RPL5: variants seen among roughly 807,000 people sequenced by gnomAD.
The protein encoded by RPL5 is large ribosomal subunit protein uL18.
A neutral mutation model predicts 38.4 loss-of-function variants in RPL5; 1 was observed. The ratio of observed to expected loss-of-function variants is 0.03; its 90% CI spans 0.01 to 0.12. The LOEUF (loss-of-function observed/expected upper bound fraction) is 0.12, where lower values mean the gene tolerates loss of function less well. Ranked by LOEUF, RPL5 falls within the 10% of genes least tolerant of loss-of-function variation. The pLI, the probability that RPL5 is intolerant of heterozygous loss-of-function variation, is 1.00. For synonymous variants in RPL5, 109 were observed against 121.2 expected, an observed-to-expected ratio of 0.90 and a Z score of 0.66; for missense variants, 243 against 374.1, an observed-to-expected ratio of 0.65 and a Z score of 2.89.
At chr1:92,833,682 C>A in intron 3 of RPL5, 22 bp downstream of exon 3, 3 of 1,579,368 alleles carry the variant, frequency 1.9e-6, no homozygotes, top group South Asian at 2.2e-5. Context: ...TCTAGACAGT[C>A]CCCTTTTTTT....
At chr1:92,832,742 T>C (rs745722084) in intron 1 of RPL5, 5 of 447,954 alleles carry the variant, frequency 1.1e-5, no homozygotes, top group Non-Finnish European at 2.0e-5. Context: ...TTTTTAATTA[T>C]TGGGGTAGGG....
rs150664010 is a variant in RPL5, at chr1:92,833,167, A to G, written c.4-222A>G. The G allele has an allele frequency of 1.2e-3, 813 of 654,034 alleles. 8 individuals are homozygous for G. The highest frequency in any genetic ancestry group is 0.012 in the African/African-American group (678 of 54,852). 40.5% of individuals were successfully genotyped at this position (654,034 alleles called of 1,614,324 possible). ...TGTTTCTTTTATTCCATATTTCTCTAAGGATTCATTTTTATTGTTTTATGA... is the reference window on the plus strand; with the variant it reads ...TGTTTCTTTTATTCCATATTTCTCTGAGGATTCATTTTTATTGTTTTATGA... On this transcript the variant is annotated intron_variant, in intron 1 of 7. Coordinates refer to ENST00000370321, the MANE Select transcript of RPL5 (RefSeq NM_000969.5).
At chr1:92,837,864 T>C (rs1687188803) in intron 6 of RPL5, 2 of 537,032 alleles carry the variant, frequency 3.7e-6, no homozygotes, top group East Asian at 6.6e-5. Context: ...AGATGTCATT[T>C]CTGTAATCAT....
rs150375325 is a variant in RPL5 at position 92,833,612 on chromosome 1, C to T, written c.141C>T (p.Pro47=). ...AAGATAAAAATAAATACAACACACC[C>T]AAATACAGGATGATAGTTCGTGTGA... ...VIQDKNKYNT[P]KYRMIVRVTN... is the part of the protein sequence containing the mutation. Residue 47 remains proline, a synonymous_variant, in exon 3 of 8, where the codon CCC becomes CCT. Coordinates refer to ENST00000370321, the MANE Select transcript of RPL5 (RefSeq NM_000969.5). 45 of 1,612,444 alleles carry T rather than the reference C, an allele frequency of 2.8e-5. No individual in the cohort carries two copies. In the African/African-American group the frequency reaches 5.3e-4, roughly 19 times the overall value.
rs1212774738 is a variant in RPL5, at chr1:92,833,427, G to A, written c.42G>A (p.Lys14=). 1.2e-6 allele frequency: 2 copies of A among 1,614,038 alleles called. No homozygotes were observed. Among genetic ancestry groups the A allele is most frequent in the Non-Finnish European group, 8.5e-7 (1 of 1,179,928 alleles). The change falls in exon 2 of 8, where the codon AAG becomes AAA. Residue 14 remains lysine, a synonymous_variant. Transcript: ENST00000370321. The part of the protein sequence containing the change: ...VKVVKNKAYF[K]RYQVKFRRRR... ...TTGTTAAGAATAAGGCCTACTTTAA[G>A]AGATACCAAGTGAAATTTAGAAGAC...
chr1:92,835,952 G>C (rs1687107257), intron 4 of RPL5, among the ~76,000 whole-genome samples: 1 of 152,104 alleles, frequency 6.6e-6, no homozygotes, highest in Admixed American at 6.5e-5. Context: ...GTGTGGACAT[G>C]TAGCAAAGAT....
chr1:92,841,836 A>G lies in RPL5; in HGVS notation c.865A>G (p.Arg289Gly). ...AGCTCAAAAGAAGGCAAGCTTCCTCAGAGCTCAGGAGCGGGCTGCTGAGAG... is the reference window on the plus strand; with the variant it reads ...AGCTCAAAAGAAGGCAAGCTTCCTCGGAGCTCAGGAGCGGGCTGCTGAGAG... ...RVAQKKASFLRAQERAAES is the reference protein window; with the variant it reads ...RVAQKKASFLGAQERAAES The change falls in exon 8 of 8, where the codon AGA (arginine) becomes GGA (glycine). Residue 289 changes from arginine (R) to glycine (G), a missense_variant. Physicochemically the swap from Arg to Gly is moderately radical, Grantham distance 125. Transcript: ENST00000370321. 1 of 1,611,920 alleles carries G rather than the reference A, an allele frequency of 6.2e-7. No homozygotes were observed. Among genetic ancestry groups the G allele is most frequent in the Non-Finnish European group, 8.5e-7 (1 of 1,179,802 alleles).
In RPL5 at chr1:92,833,445, T is replaced by C. The variant is rs1558283838; in HGVS notation, c.60T>C (p.Phe20=). Residue 20 remains phenylalanine, a synonymous_variant, in exon 2 of 8, where the codon TTT becomes TTC. Coordinates refer to ENST00000370321, the MANE Select transcript of RPL5 (RefSeq NM_000969.5). ...ACTTTAAGAGATACCAAGTGAAATT[T>C]AGAAGACGACGAGGTACTGTCACCT... ...KAYFKRYQVK[F]RRRREGKTDY... is the part of the protein sequence containing the mutation. 6.2e-7 allele frequency: 1 copy of C among 1,614,112 alleles called. No individual in the cohort carries two copies.
At chr1:92,839,251 C>T (rs998540827) in intron 6 of RPL5, among the ~76,000 whole-genome samples, 2 of 152,004 alleles carry the variant, frequency 1.3e-5, no homozygotes, top group East Asian at 1.9e-4. Context: ...CCCAGCGACT[C>T]GGGAGGCTGA....
At chr1:92,835,500 G>GA (rs560861965) in intron 4 of RPL5, among the ~76,000 whole-genome samples, 6,079 of 129,128 alleles carry the variant, frequency 0.047, 276 homozygotes, top group East Asian at 0.18. Flanking sequence ...TAAAAAAGTA[G>GA]AAAAAAAAAA....
Position 92,839,847 on chromosome 1 carries a change from C to CT in RPL5, c.706-693dup, listed in dbSNP as rs539843617. Among the ~76,000 whole-genome samples the CT allele has an allele frequency of 2.8e-3, 405 of 146,696 alleles. 5 individuals are homozygous for CT. Among genetic ancestry groups the CT allele is most frequent in the African/African-American group, 7.9e-3 (317 of 40,224 alleles). On this transcript the variant is annotated intron_variant, in intron 6 of 7. Transcript: ENST00000370321. ...GCAGATTTTTCTTTTTGTTTTCTTA[C>CT]TTTTTTTTTTTGAGGCAGGATCTTG...
chr1:92,832,046 C>T lies in RPL5; in HGVS notation c.-69C>T, dbSNP rs902783306. ...CCTGCGCAAGGGCTGTGGCCCTTTT[C>T]CCACCCCCTAGCGCCGCTGGGCCTG... is the stretch of plus-strand genomic sequence containing the variant. On this transcript the variant is annotated 5_prime_UTR_variant, in exon 1 of 8. Coordinates refer to ENST00000370321, the MANE Select transcript of RPL5 (RefSeq NM_000969.5). 8 of 1,607,990 alleles carry T rather than the reference C, an allele frequency of 5.0e-6. No homozygotes were observed. In the East Asian group the frequency reaches 6.7e-5, roughly 14 times the overall value.
chr1:92,836,299 A>G lies in RPL5; in HGVS notation c.434A>G (p.Tyr145Cys), dbSNP rs1278125606. The change falls in exon 5 of 8, where the codon TAT becomes TGT. Residue 145 changes from tyrosine (Y) to cysteine (C), a missense_variant. By Grantham distance (194) the Tyr-to-Cys change is radical (BLOSUM62 -2). Coordinates refer to ENST00000370321, the MANE Select transcript of RPL5 (RefSeq NM_000969.5). ...GGTCAGCCAGGTGCCTTCACCTGCT[A>G]TTTGGATGCAGGCCTTGCCAGAACT... ...IDGQPGAFTC[Y>C]LDAGLARTTT... is the part of the protein sequence containing the mutation. 5 of 1,614,156 alleles carry G rather than the reference A, an allele frequency of 3.1e-6. No individual in the cohort carries two copies. Among genetic ancestry groups the G allele is most frequent in the Non-Finnish European group, 8.5e-7 (1 of 1,180,004 alleles).
At chr1:92,837,740 C>A in intron 6 of RPL5, 107 bp downstream of exon 6, 1 of 869,240 alleles carries the variant, frequency 1.2e-6, no homozygotes, top group Non-Finnish European at 1.9e-6. Context: ...TTCTTGACAA[C>A]ATGAGCTAGA....
intron 1 of RPL5, 114 bp from the exon 2 acceptor site, chr1:92,833,275 C>T: frequency 5.9e-6 from 5 of 851,354 alleles, no homozygotes; most frequent in Non-Finnish European, 9.7e-6. Flanking sequence ...CTACAAGTGA[C>T]AGTTGTCTGT....
intron 1 of RPL5, chr1:92,833,041 GA>G (rs748638969): frequency 1.3e-4 from 97 of 737,500 alleles, no homozygotes; most frequent in Non-Finnish European, 2.1e-4. Flanking sequence ...GGTCCTTGAA[GA>G]AACAAATATG....
intron 7 of RPL5, among the ~76,000 whole-genome samples, chr1:92,841,055 C>G (rs907373230): frequency 6.6e-6 from 1 of 152,174 alleles, no homozygotes; most frequent in Non-Finnish European, 1.5e-5. Context: ...TTTGTGGCAA[C>G]AACATTTGAA....
chr1:92,832,368 T>TA (rs1686943401), intron 1 of RPL5: 1 of 632,266 alleles, frequency 1.6e-6, no homozygotes, highest in Non-Finnish European at 2.8e-6. Context: ...AGGGTGAGTT[T>TA]AGTAGACAGC....
chr1:92,832,832 T>C (rs991621434), intron 1 of RPL5: 3 of 600,266 alleles, frequency 5.0e-6, no homozygotes, highest in Non-Finnish European at 8.9e-6. Context: ...CTGAATGTGC[T>C]CTTGCCCAGT....
Sources: gnomAD v4.1 joint callset for allele counts (sites outside exome capture counted in the v4.1 genomes callset) on GRCh38, gnomAD v4.1.1 for gene constraint, MANE v1.5 for transcripts, NCBI Gene and HGNC (gene_info 2026-07-23, HGNC 2026-07-21) for gene names.